Variants in NLRP9 observed in about 807,000 individuals in gnomAD.
NLRP9 encodes the protein NLR family pyrin domain containing 9.
Under a neutral mutation model 83.1 loss-of-function variants are expected in NLRP9, and 88 were observed. The ratio of observed to expected loss-of-function variants is 1.06; its 90% CI spans 0.89 to 1.26. The LOEUF is 1.26. Among genes scored for constraint, NLRP9 ranks in the 50% most tolerant of loss-of-function variants. The pLI is 0.00. For synonymous variants in NLRP9, 521 were observed against 447.6 expected (o/e 1.16, Z -2.07); for missense variants, 1,308 against 1,179.3 (o/e 1.11, Z -1.60).
rs373372129 is a variant in NLRP9 at position 55,732,260 on chromosome 19, G to A, written c.1571C>T (p.Thr524Ile). ...TTGACTTAAACTTTCAAGGCATTGG[G>A]TTATTTCCTGCTTTAGGTCTTTTGA... is the stretch of plus-strand genomic sequence containing the variant. ...PLSKDLKQEITQCLESLSQCE... is the reference protein window; with the variant it reads ...PLSKDLKQEIIQCLESLSQCE... The change falls in exon 2 of 9, where the codon ACC becomes ATC. Residue 524 changes from threonine (T) to isoleucine (I), a missense_variant. Thr to Ile is a moderately conservative substitution (Grantham distance 89). Transcript: ENST00000332836. 24 of 1,613,928 alleles carry A rather than the reference G, an allele frequency of 1.5e-5. 1 individual carries two copies. In the African/African-American group the frequency reaches 3.1e-4, roughly 21 times the overall value.
At chr19:55,724,202 AC>A in intron 3 of NLRP9, 58 bp from the exon 4 acceptor site, 2 of 1,224,972 alleles carry the variant, frequency 1.6e-6, no homozygotes, top group Non-Finnish European at 2.3e-6. Context: ...ACAAAGACAG[AC>A]ACCTCTTGTA....
Position 55,733,170 on chromosome 19 carries a change from C to A in NLRP9, c.661G>T (p.Glu221Ter). The A allele has an allele frequency of 6.2e-7, 1 of 1,613,918 alleles. No homozygotes were observed. Among genetic ancestry groups the A allele is most frequent in the Non-Finnish European group, 8.5e-7 (1 of 1,179,966 alleles). The change falls in exon 2 of 9, where the codon GAG (glutamate) becomes TAG (stop). Residue 221 changes from glutamate to a stop codon, truncating the protein, a stop_gained. Coordinates refer to ENST00000332836, the MANE Select transcript of NLRP9 (RefSeq NM_176820.4). LOFTEE classifies it high-confidence loss of function. ...EKIEDIFSQP[E>*]RILFIMDGFE... ...CCATCCATGATGAACAGAATTCTCT[C>A]TGGCTGGGAAAAAATGTCTTCGATC...
Position 55,729,949 on chromosome 19 carries a change from A to C in NLRP9, c.1876T>G (p.Phe626Val). 6.2e-7 allele frequency: 1 copy of C among 1,613,646 alleles called. No homozygotes were observed. The highest frequency in any genetic ancestry group is 8.5e-7 in the Non-Finnish European group (1 of 1,179,706). ...ATCTGGAAGTTCTTGTTGGTAATGA[A>C]CATTGAGCAAAGCTCCCGCCAGTAG... is the stretch of plus-strand genomic sequence containing the variant. ...LVYWRELCSMFITNKNFQILD... is the reference protein window; with the variant it reads ...LVYWRELCSMVITNKNFQILD... Residue 626 changes from phenylalanine to valine, a missense_variant, in exon 3 of 9, where the codon TTC becomes GTC. Phe to Val is a conservative substitution (Grantham distance 50). Transcript: ENST00000332836.
intron 3 of NLRP9, 76 bp downstream of exon 3, chr19:55,729,755 C>T (rs1405848323): frequency 8.1e-7 from 1 of 1,234,030 alleles, no homozygotes; most frequent in African/African-American, 1.5e-5. Context: ...ATGCATGGGT[C>T]TTCTTCCAAA....
At chr19:55,710,488 A>G (rs955499458) in intron 8 of NLRP9, among the ~76,000 whole-genome samples, 6 of 152,034 alleles carry the variant, frequency 3.9e-5, no homozygotes, top group African/African-American at 7.2e-5. Context: ...GTAATCCCCA[A>G]TGTTGGAGGT....
At chr19:55,720,531 T>C (rs1193427700) in intron 4 of NLRP9, among the ~76,000 whole-genome samples, 2 of 152,120 alleles carry the variant, frequency 1.3e-5, no homozygotes, top group Non-Finnish European at 2.9e-5. Context: ...AGTCTCACTA[T>C]GTTGCCCAGG....
intron 3 of NLRP9, 59 bp downstream of exon 3, chr19:55,729,772 A>G (rs1988516130): frequency 6.2e-6 from 9 of 1,440,200 alleles, no homozygotes; most frequent in Non-Finnish European, 8.6e-6. Context: ...CAAAAAGGCC[A>G]CAGTAGAGAG....
intron 8 of NLRP9, among the ~76,000 whole-genome samples, chr19:55,710,062 T>C (rs1987646853): frequency 1.3e-5 from 2 of 152,172 alleles, no homozygotes; most frequent in South Asian, 4.1e-4. Context: ...TAGGAGTTTA[T>C]CTTAAATCTT....
Position 55,708,897 on chromosome 19 carries a change from T to A in NLRP9, c.*15A>T, listed in dbSNP as rs779782195. ...GGAAAGCCTTTGTGAGACGACTACT[T>A]CAGGGTGTTCCCCATCAGAGGAGCA... On this transcript the variant is annotated 3_prime_UTR_variant, in exon 9 of 9. Coordinates refer to ENST00000332836, the MANE Select transcript of NLRP9 (RefSeq NM_176820.4). The A allele has an allele frequency of 1.3e-6, 2 of 1,525,810 alleles. No homozygotes were observed. The highest frequency in any genetic ancestry group is 2.6e-5 in the South Asian group (2 of 77,236). The allele number at this position is 1,525,810 out of a possible 1,614,324, so 94.5% of individuals were successfully genotyped here. A position where few individuals can be genotyped will look rare whatever the true frequency, so the allele number is the denominator to read the frequency against.
chr19:55,713,504 A>G (rs1212148345), intron 6 of NLRP9, among the ~76,000 whole-genome samples: 1 of 150,830 alleles, frequency 6.6e-6, no homozygotes, highest in Non-Finnish European at 1.5e-5. Flanking sequence ...TTTGCCCACC[A>G]GAGGACACTG....
Position 55,732,191 on chromosome 19 carries a change from A to G in NLRP9, c.1640T>C (p.Ile547Thr). ...TTTTTCCTGAGTTTCAAACAAACCA[A>G]TGAATAGTTCCTGGAAAGCTATGGC... ...REAIAFQELF[I>T]GLFETQEKEF... Residue 547 changes from isoleucine to threonine, a missense_variant, in exon 2 of 9, where the codon ATT (isoleucine) becomes ACT (threonine). Transcript: ENST00000332836. 1 of 1,613,620 alleles carries G rather than the reference A, an allele frequency of 6.2e-7. No homozygotes were observed. Among genetic ancestry groups the G allele is most frequent in the Non-Finnish European group, 8.5e-7 (1 of 1,179,860 alleles).
Position 55,738,162 on chromosome 19 carries a change from T to TA in NLRP9, c.212dup (p.Thr72AsnfsTer10). ...TGATCTGTAGAAACAGGTTCAGTGT[T>TA]ACCTCCCATGCCTGCTTTCCTGGGT... On this transcript the variant is annotated frameshift_variant, in exon 1 of 9. Coordinates refer to ENST00000332836, the MANE Select transcript of NLRP9 (RefSeq NM_176820.4). LOFTEE classifies it high-confidence loss of function. 6.2e-7 allele frequency: 1 copy of TA among 1,614,150 alleles called. No individual in the cohort carries two copies. The highest frequency in any genetic ancestry group is 8.5e-7 in the Non-Finnish European group (1 of 1,179,986).
chr19:55,725,936 G>T (rs1251701212), intron 3 of NLRP9, among the ~76,000 whole-genome samples: 1 of 151,968 alleles, frequency 6.6e-6, no homozygotes, highest in Non-Finnish European at 1.5e-5. Context: ...TGAGGCAGGA[G>T]AATTGCTTGA....
At position 55,726,025 on chromosome 19, in the gene NLRP9, GA is replaced by G. The variant is rs397700415; in HGVS notation, c.1995-1882del. On this transcript the variant is annotated intron_variant, in intron 3 of 8. Coordinates refer to ENST00000332836, the MANE Select transcript of NLRP9 (RefSeq NM_176820.4). ...TAGGGGACAGAGCGAGACTGTCTCA[GA>G]AAAAAAAAAAGAAAAACAGCAAACC... Among the ~76,000 whole-genome samples the G allele has an allele frequency of 6.8e-3, 975 of 143,310 alleles. 4 individuals carry two copies. The highest frequency in any genetic ancestry group is 9.0e-3 in the Non-Finnish European group (590 of 65,316). 94.0% of individuals were successfully genotyped at this position (143,310 alleles called of 152,430 possible).
intron 1 of NLRP9, among the ~76,000 whole-genome samples, chr19:55,736,168 G>A (rs1257218292): frequency 6.6e-6 from 1 of 151,754 alleles, no homozygotes. Flanking sequence ...GAGGTGGGTG[G>A]ATCATGAGGT....
At chr19:55,712,367 C>G in intron 7 of NLRP9, 53 bp downstream of exon 7, 1 of 1,479,164 alleles carries the variant, frequency 6.8e-7, no homozygotes, top group Non-Finnish European at 9.4e-7. Flanking sequence ...TCCAGCAATT[C>G]CTATTCTTGA....
rs771670791 is a variant in NLRP9, at chr19:55,716,855, C to T, written c.2203G>A (p.Ala735Thr). 1.7e-5 allele frequency: 28 copies of T among 1,613,730 alleles called. 1 individual carries two copies. The highest frequency in any genetic ancestry group is 5.5e-5 in the South Asian group (5 of 91,084). ...DISSEVCEDIASVLACNSKLK... is the reference protein window; with the variant it reads ...DISSEVCEDITSVLACNSKLK... ...TTGCTGTTGCAGGCCAGGACGGAGGCGATGTCTTCACAAACTTCACTGGAG... is the reference window on the plus strand; with the variant it reads ...TTGCTGTTGCAGGCCAGGACGGAGGTGATGTCTTCACAAACTTCACTGGAG... The change falls in exon 5 of 9, where the codon GCC (alanine) becomes ACC (threonine). Residue 735 changes from alanine (A) to threonine (T), a missense_variant. Ala to Thr is a moderately conservative substitution (Grantham distance 58). Transcript: ENST00000332836.
intron 4 of NLRP9, among the ~76,000 whole-genome samples, chr19:55,721,853 T>G (rs1410448861): frequency 2.0e-5 from 3 of 152,222 alleles, no homozygotes; most frequent in African/African-American, 7.2e-5. Flanking sequence ...TTCTCTTGTC[T>G]GCCGCCATGT....
intron 3 of NLRP9, among the ~76,000 whole-genome samples, chr19:55,727,544 C>A (rs1385829768): frequency 6.6e-6 from 1 of 152,178 alleles, no homozygotes; most frequent in African/African-American, 2.4e-5. Flanking sequence ...CCTCACATAT[C>A]CCATTGAAAT....
Sources: allele counts gnomAD v4.1 joint callset (sites outside exome capture counted in the v4.1 genomes callset), GRCh38; gene constraint gnomAD v4.1.1; transcripts MANE v1.5; gene names NCBI Gene and HGNC (gene_info 2026-07-23, HGNC 2026-07-21).